Variants in PKIG observed in about 807,000 individuals in gnomAD.
PKIG encodes cAMP-dependent protein kinase inhibitor gamma.
PKIG carries 1 observed loss-of-function variant against 6.8 expected under a neutral mutation model. The observed-to-expected ratio is 0.15, with a 90% confidence interval of 0.05 to 0.69. The LOEUF (loss-of-function observed/expected upper bound fraction) is 0.69, where lower values mean the gene tolerates loss of function less well. Ranked by LOEUF, PKIG falls within the 30% of genes least tolerant of loss-of-function variation. The pLI, the probability that PKIG is intolerant of heterozygous loss-of-function variation, is 0.82. For missense variants in PKIG, 77 were observed against 104.0 expected (o/e 0.74, Z 1.13); for synonymous variants, 39 against 43.0 (o/e 0.91, Z 0.36).
intron 1 of PKIG, among the ~76,000 whole-genome samples, chr20:44,547,562 A>G (rs2064626710): frequency 1.3e-5 from 2 of 152,146 alleles, no homozygotes; most frequent in South Asian, 4.1e-4. Flanking sequence ...GGGAAGAACA[A>G]TGCCTCACAC....
intron 1 of PKIG, among the ~76,000 whole-genome samples, chr20:44,576,182 TG>T (rs1600865596): frequency 6.6e-6 from 1 of 151,818 alleles, no homozygotes; most frequent in East Asian, 1.9e-4. Context: ...TGTGTGTGTG[TG>T]TGTGTGTGTG....
intron 1 of PKIG, among the ~76,000 whole-genome samples, chr20:44,561,357 T>TA (rs1193524724): frequency 6.7e-6 from 1 of 149,730 alleles, no homozygotes; most frequent in Non-Finnish European, 1.5e-5. Flanking sequence ...AGTCAGTAAG[T>TA]AGACACTGTC....
chr20:44,550,283 A>G (rs1481001860), intron 1 of PKIG, among the ~76,000 whole-genome samples: 2 of 151,968 alleles, frequency 1.3e-5, no homozygotes. Flanking sequence ...ATTTCTCAAT[A>G]TAAACTCCAT....
At chr20:44,539,908 G>T (rs2064545684) in intron 1 of PKIG, among the ~76,000 whole-genome samples, 2 of 151,834 alleles carry the variant, frequency 1.3e-5, no homozygotes, top group Admixed American at 1.3e-4. Flanking sequence ...CATATCATTT[G>T]CCCTATACAA....
rs571118032 is a variant in PKIG at position 44,618,695 on chromosome 20, C to T, written c.*331C>T. 6 of 234,520 alleles carry T rather than the reference C, an allele frequency of 2.6e-5. No individual in the cohort carries two copies. Among genetic ancestry groups the T allele is most frequent in the South Asian group, 1.9e-4 (3 of 15,408 alleles). The allele number at this position is 234,520 out of a possible 1,614,324, so 14.5% of individuals were successfully genotyped here. A position where few individuals can be genotyped will look rare whatever the true frequency, so the allele number is the denominator to read the frequency against. On this transcript the variant is annotated 3_prime_UTR_variant, in exon 4 of 4. Transcript: ENST00000372886. ...AGCCCACACAGGAACGCTCCTCTCG[C>T]GAGCGGCCCGGGCAGGGACCCTGTC...
At chr20:44,612,747 G>A (rs2065230679) in intron 2 of PKIG, among the ~76,000 whole-genome samples, 1 of 152,168 alleles carries the variant, frequency 6.6e-6, no homozygotes, top group Non-Finnish European at 1.5e-5. Flanking sequence ...TGGGAAATGT[G>A]TCAAAAATCT....
chr20:44,617,575 G>C (rs1256451925), intron 3 of PKIG, among the ~76,000 whole-genome samples: 1 of 152,082 alleles, frequency 6.6e-6, no homozygotes, highest in Non-Finnish European at 1.5e-5. Context: ...TCAGTGAGGT[G>C]CTCCATCTCT....
chr20:44,555,960 C>G lies in PKIG; in HGVS notation c.-241+23982C>G, dbSNP rs1394947847. 3.3e-5 allele frequency among the ~76,000 whole-genome samples: 5 copies of G among 152,310 alleles called. No homozygotes were observed. The East Asian group carries it at 9.7e-4, about 29-fold the overall frequency. On this transcript the variant is annotated intron_variant, in intron 1 of 4. Coordinates refer to the PKIG transcript ENST00000372887. ...GGTTCAGGCGATTCTCCTGCCTCAG[C>G]CTCCCAAGTAGCTGGGACTACAGGT...
At chr20:44,590,158 AAGCTTAAGCAGGTGGAATCATACAC>A (rs1381922425) in intron 2 of PKIG, among the ~76,000 whole-genome samples, 2 of 152,176 alleles carry the variant, frequency 1.3e-5, no homozygotes, top group African/African-American at 4.8e-5. Context: ...CCATGTACTT[AAGCTTAAGCAGGTGGAATCATACAC>A]AGGAGTTATT....
intron 2 of PKIG, among the ~76,000 whole-genome samples, chr20:44,594,077 GGA>G (rs1398865064): frequency 6.6e-6 from 1 of 152,130 alleles, no homozygotes; most frequent in African/African-American, 2.4e-5. Flanking sequence ...TGAGGCTTTT[GGA>G]GATTACATCA....
chr20:44,606,507 C>T lies in PKIG; in HGVS notation c.-23-8027C>T, dbSNP rs529614818. ...CCTTCCTTGTGAATGGGATTAGGCA[C>T]CTTTTATAAAAGGGCTTGAGGCCAG... On this transcript the variant is annotated intron_variant, in intron 2 of 3. Coordinates refer to ENST00000372886, the MANE Select transcript of PKIG (RefSeq NM_001281445.2). Among the ~76,000 whole-genome samples, 28 of 152,096 alleles carry T rather than the reference C, an allele frequency of 1.8e-4. No homozygotes were observed. The East Asian group carries it at 4.6e-3, about 25-fold the overall frequency.
intron 1 of PKIG, among the ~76,000 whole-genome samples, chr20:44,556,889 C>T (rs2064718053): frequency 6.6e-6 from 1 of 151,942 alleles, no homozygotes; most frequent in African/African-American, 2.4e-5. Flanking sequence ...TTTCAAAAAG[C>T]CCCACTCATT....
chr20:44,586,879 C>T (rs907760128), intron 1 of PKIG, among the ~76,000 whole-genome samples: 5 of 152,136 alleles, frequency 3.3e-5, no homozygotes, highest in Non-Finnish European at 7.4e-5. Flanking sequence ...ATAATGTATC[C>T]GCTCTTACTG....
intron 1 of PKIG, chr20:44,564,301 A>G (rs2064792266): frequency 6.6e-6 from 1 of 152,214 alleles, no homozygotes; most frequent in Admixed American, 6.5e-5. Flanking sequence ...AGGAATTGGA[A>G]TGAGCATCTG....
At chr20:44,565,174 A>G (rs898102318) in intron 1 of PKIG, among the ~76,000 whole-genome samples, 2 of 152,128 alleles carry the variant, frequency 1.3e-5, no homozygotes, top group African/African-American at 4.8e-5. Flanking sequence ...GTTTTTTTCT[A>G]ATGTCTACTT....
intron 1 of PKIG, among the ~76,000 whole-genome samples, chr20:44,540,558 GTTTTGTTTTT>G (rs1414869276): frequency 2.0e-5 from 3 of 150,708 alleles, no homozygotes; most frequent in South Asian, 2.1e-4. Flanking sequence ...TGATGTTTTT[GTTTTGTTTTT>G]TTTTGTTTTT....
chr20:44,542,512 C>A (rs1232002708), intron 1 of PKIG, among the ~76,000 whole-genome samples: 6 of 151,828 alleles, frequency 4.0e-5, no homozygotes, highest in Non-Finnish European at 7.4e-5. Flanking sequence ...GCTTAACTTT[C>A]ATTGGTTTTT....
intron 1 of PKIG, among the ~76,000 whole-genome samples, chr20:44,554,583 G>A (rs936843699): frequency 6.6e-6 from 1 of 152,108 alleles, no homozygotes; most frequent in African/African-American, 2.4e-5. Context: ...AGGGGGTGAG[G>A]GGGTGGCAAG....
chr20:44,593,761 G>A (rs186502980), intron 2 of PKIG, among the ~76,000 whole-genome samples: 15 of 152,250 alleles, frequency 9.9e-5, no homozygotes, highest in Admixed American at 2.6e-4. Flanking sequence ...AAGTATTCTC[G>A]TCACAAAAAG....
Sources: allele counts gnomAD v4.1 joint callset (sites outside exome capture counted in the v4.1 genomes callset), GRCh38; gene constraint gnomAD v4.1.1; transcripts MANE v1.5; gene names NCBI Gene and HGNC (gene_info 2026-07-23, HGNC 2026-07-21).